Variants in UQCC4 observed in about 807,000 individuals in gnomAD.
UQCC4 encodes cattle cerebrum and skeletal muscle-specific protein 1 family member.
At chr16:1,420,257 C>G in the UQCC4 span, 2 of 1,613,672 alleles carry the variant, frequency 1.2e-6, no homozygotes, top group Non-Finnish European at 1.7e-6. Flanking sequence ...CAAGTTCTCG[C>G]TCTGTAGGCA....
chr16:1,420,463 C>G, the UQCC4 span: 4 of 1,614,264 alleles, frequency 2.5e-6, no homozygotes, highest in Non-Finnish European at 3.4e-6. Flanking sequence ...CACCGACCAG[C>G]GGTGAGGGTT....
chr16:1,420,711 A>C, the UQCC4 span: 510 of 1,541,944 alleles, frequency 3.3e-4, 2 homozygotes, highest in African/African-American at 6.2e-3. Context: ...GGGGCACACA[A>C]GACACGATTC....
the UQCC4 span, chr16:1,420,461 A>T: frequency 6.2e-7 from 1 of 1,614,254 alleles, no homozygotes. Flanking sequence ...CCCACCGACC[A>T]GCGGTGAGGG....
At chr16:1,420,643 C>T in the UQCC4 span, 2 of 1,550,026 alleles carry the variant, frequency 1.3e-6, no homozygotes, top group Non-Finnish European at 1.7e-6. Flanking sequence ...AGCGCTCCGC[C>T]CGCCCGCCGG....
At chr16:1,420,149 G>C in the UQCC4 span, 2 of 1,613,696 alleles carry the variant, frequency 1.2e-6, no homozygotes, top group African/African-American at 1.3e-5. Flanking sequence ...TCAGTGCTGA[G>C]GACGCACGCA....
At chr16:1,420,372 G>A in the UQCC4 span, 3 of 1,614,250 alleles carry the variant, frequency 1.9e-6, no homozygotes, top group Admixed American at 1.7e-5. Flanking sequence ...GGTAGCACCA[G>A]ATGATCAGCG....
At chr16:1,420,486 G>A in the UQCC4 span, 6 of 1,614,156 alleles carry the variant, frequency 3.7e-6, no homozygotes, top group African/African-American at 4.0e-5. Flanking sequence ...CTTTGCTGGA[G>A]GAAAACTCAA....
the UQCC4 span, chr16:1,420,552 A>G: frequency 3.1e-6 from 5 of 1,612,918 alleles, no homozygotes; most frequent in East Asian, 1.1e-4. Flanking sequence ...GATCCCGGGA[A>G]CCGGGCAACG....
the UQCC4 span, chr16:1,420,043 A>T: frequency 6.2e-7 from 1 of 1,611,452 alleles, no homozygotes; most frequent in South Asian, 1.1e-5. Flanking sequence ...TTGGACATCA[A>T]GAGCCAGGCG....
At chr16:1,420,184 G>C in the UQCC4 span, 1 of 1,614,152 alleles carries the variant, frequency 6.2e-7, no homozygotes, top group Non-Finnish European at 8.5e-7. Context: ...ACGGGCAAAC[G>C]TGACATCAAA....
At chr16:1,420,255 C>T in the UQCC4 span, 13 of 1,613,582 alleles carry the variant, frequency 8.1e-6, no homozygotes, top group East Asian at 2.9e-4. Context: ...GTCAAGTTCT[C>T]GCTCTGTAGG....
chr16:1,420,508 G>A, the UQCC4 span: 1 of 1,614,264 alleles, frequency 6.2e-7, no homozygotes, highest in Non-Finnish European at 8.5e-7. Flanking sequence ...GGGGCGGTCA[G>A]GGTCGTCCTC....
the UQCC4 span, chr16:1,420,333 C>G: frequency 6.2e-7 from 1 of 1,614,214 alleles, no homozygotes; most frequent in African/African-American, 1.3e-5. Context: ...CCTGTCTCAA[C>G]CACTGGTCCG....
the UQCC4 span, chr16:1,420,312 C>G: frequency 6.2e-7 from 1 of 1,614,194 alleles, no homozygotes; most frequent in Non-Finnish European, 8.5e-7. Context: ...GCTCTGGCAC[C>G]TCTCCCCACA....
At chr16:1,420,074 T>A in the UQCC4 span, 1 of 1,613,024 alleles carries the variant, frequency 6.2e-7, no homozygotes, top group Non-Finnish European at 8.5e-7. Flanking sequence ...TCCGATCTGC[T>A]GAGATTCTGC....
the UQCC4 span, chr16:1,419,953 C>G: frequency 1.3e-6 from 2 of 1,538,864 alleles, no homozygotes; most frequent in Admixed American, 1.7e-5. Context: ...TTATGTTATA[C>G]AAAGACTTGG....
chr16:1,420,631 T>C, the UQCC4 span: 2 of 1,552,138 alleles, frequency 1.3e-6, no homozygotes, highest in South Asian at 2.4e-5. Flanking sequence ...GAGAGAGCAG[T>C]AAGCGCTCCG....
chr16:1,419,891 T>C, the UQCC4 span: 1 of 1,396,624 alleles, frequency 7.2e-7, no homozygotes, highest in East Asian at 3.8e-5. Flanking sequence ...GCAAATTACC[T>C]GCAAACTAAC....
chr16:1,419,825 C>A, the UQCC4 span: 1 of 1,150,054 alleles, frequency 8.7e-7, no homozygotes, highest in Non-Finnish European at 1.1e-6. Context: ...GTTCCTTGCA[C>A]AGGCCGCAGC....
Sources: gnomAD v4.1 joint callset for allele counts on GRCh38, gnomAD v4.1.1 for gene constraint, MANE v1.5 for transcripts, NCBI Gene and HGNC (gene_info 2026-07-23, HGNC 2026-07-21) for gene names.